ZNF540: variants seen among roughly 807,000 people sequenced by gnomAD.
ZNF540 encodes the protein CTD-3064H18.6.
ZNF540 carries 3 observed loss-of-function variants against 11.8 expected under a neutral mutation model. The observed-to-expected ratio is 0.25, with a 90% CI of 0.12 to 0.65. The LOEUF is 0.65. ZNF540 is among the 30% of genes least tolerant of loss of function. The pLI is 0.83. For missense variants in ZNF540, 709 were observed against 793.1 expected, an observed-to-expected ratio of 0.89 and a Z score of 1.27; for synonymous variants, 247 against 259.0, an observed-to-expected ratio of 0.95 and a Z score of 0.45.
chr19:37,590,428 GAAGA>G (rs1377713783), upstream of ZNF540, among the ~76,000 whole-genome samples: 22 of 135,868 alleles, frequency 1.6e-4, no homozygotes, highest in South Asian at 2.3e-4. Context: ...AAAAAAAGAA[GAAGA>G]AAAAAAAAGC....
intron 1 of ZNF540, chr19:37,563,596 T>C (rs2042746414): frequency 6.6e-6 from 1 of 152,020 alleles, no homozygotes; most frequent in African/African-American, 2.4e-5. Flanking sequence ...ATATATGGAA[T>C]ACATATATGC....
At chr19:37,580,307 T>G (rs2147188759) in intron 1 of ZNF540, among the ~76,000 whole-genome samples, 1 of 152,356 alleles carries the variant, frequency 6.6e-6, no homozygotes, top group East Asian at 1.9e-4. Context: ...TTCTAACATG[T>G]TCTATCAATA....
chr19:37,589,026 C>T (rs1033120387), intron 1 of ZNF540, among the ~76,000 whole-genome samples: 7 of 151,730 alleles, frequency 4.6e-5, no homozygotes, highest in African/African-American at 1.7e-4. Context: ...GTGGTAAAAC[C>T]CCATCTCTAC....
At chr19:37,584,011 C>T (rs1249134584) in intron 1 of ZNF540, 8 of 1,613,864 alleles carry the variant, frequency 5.0e-6, no homozygotes, top group Non-Finnish European at 6.8e-6. Flanking sequence ...ACATCACATC[C>T]CTGTACAAGT....
intron 1 of ZNF540, among the ~76,000 whole-genome samples, chr19:37,560,109 T>G (rs2042700950): frequency 6.6e-6 from 1 of 151,866 alleles, no homozygotes; most frequent in Admixed American, 6.6e-5. Context: ...AAACCTCATC[T>G]CTACCAAAAA....
chr19:37,585,149 G>A (rs568261622), intron 1 of ZNF540: 2 of 152,138 alleles, frequency 1.3e-5, no homozygotes, highest in African/African-American at 4.8e-5. Context: ...GGTACATTCC[G>A]GGAAATCCCA....
chr19:37,600,814 C>T (rs1423880431), intron 3 of ZNF540, among the ~76,000 whole-genome samples, 196 bp from the exon 4 acceptor site: 4 of 152,004 alleles, frequency 2.6e-5, no homozygotes, highest in Non-Finnish European at 1.5e-5. Context: ...AATTTTAATT[C>T]CCCTGCCCAT....
chr19:37,579,543 A>G (rs189308138), intron 1 of ZNF540, among the ~76,000 whole-genome samples: 185 of 99,520 alleles, frequency 1.9e-3, no homozygotes, highest in African/African-American at 6.6e-3. Flanking sequence ...AGCCATATGC[A>G]GAAGAATGAA....
At chr19:37,559,676 T>C (rs2042697074) in intron 1 of ZNF540, among the ~76,000 whole-genome samples, 1 of 152,134 alleles carries the variant, frequency 6.6e-6, no homozygotes, top group South Asian at 2.1e-4. Flanking sequence ...GGGGAAAAGG[T>C]ATATAGCATG....
In ZNF540 at chr19:37,613,146, T is replaced by C; in HGVS notation, c.1866T>C (p.Leu622=). The C allele has an allele frequency of 6.2e-7, 1 of 1,614,034 alleles. No individual in the cohort carries two copies. Among genetic ancestry groups the C allele is most frequent in the Non-Finnish European group, 8.5e-7 (1 of 1,179,922 alleles). ...AGGCCTTTAGACTTAATTCACACCTTACTGAACATCAGAGAATTCACACTG... is the reference window on the plus strand; with the variant it reads ...AGGCCTTTAGACTTAATTCACACCTCACTGAACATCAGAGAATTCACACTG... The part of the protein sequence containing the change: ...CGKAFRLNSH[L]TEHQRIHTGE... The change falls in exon 5 of 5, where the codon CTT becomes CTC. Residue 622 remains leucine, a synonymous_variant. Transcript: ENST00000316433.
intron 1 of ZNF540, among the ~76,000 whole-genome samples, chr19:37,573,076 ATACT>A (rs1263274740): frequency 2.6e-5 from 4 of 152,148 alleles, no homozygotes; most frequent in African/African-American, 7.2e-5. Context: ...ACTTAAGTAC[ATACT>A]TATATTCCTC....
At chr19:37,552,510 A>G (rs907265555) in intron 1 of ZNF540, among the ~76,000 whole-genome samples, 1 of 152,180 alleles carries the variant, frequency 6.6e-6, no homozygotes, top group African/African-American at 2.4e-5. Context: ...TATTTCTAGC[A>G]GTTTTTAATG....
chr19:37,559,643 A>G (rs1359704521), intron 1 of ZNF540, among the ~76,000 whole-genome samples: 1 of 152,242 alleles, frequency 6.6e-6, no homozygotes, highest in African/African-American at 2.4e-5. Flanking sequence ...TATCTGTTCA[A>G]GATACATACT....
chr19:37,561,435 A>C (rs1298799552), intron 1 of ZNF540, among the ~76,000 whole-genome samples: 1 of 152,234 alleles, frequency 6.6e-6, no homozygotes, highest in African/African-American at 2.4e-5. Flanking sequence ...ATGGTTAAAA[A>C]GAAATTCTGC....
intron 4 of ZNF540, among the ~76,000 whole-genome samples, chr19:37,608,219 C>G (rs977366620): frequency 6.6e-6 from 1 of 151,952 alleles, no homozygotes; most frequent in Non-Finnish European, 1.5e-5. Context: ...GATATCTGTT[C>G]TGTTTCCTTC....
intron 1 of ZNF540, among the ~76,000 whole-genome samples, chr19:37,568,629 T>TC (rs1463402006): frequency 1.3e-5 from 2 of 152,116 alleles, no homozygotes; most frequent in Non-Finnish European, 2.9e-5. Flanking sequence ...TAAACAGAAA[T>TC]CTAGAGGAAT....
upstream of ZNF540, chr19:37,594,679 C>T (rs2147221134): frequency 6.6e-6 from 1 of 152,434 alleles, no homozygotes; most frequent in East Asian, 1.9e-4. Flanking sequence ...CATACAAGAA[C>T]TACTTTTTCG....
At chr19:37,562,123 CTA>C (rs1362010575) in intron 1 of ZNF540, among the ~76,000 whole-genome samples, 1 of 152,182 alleles carries the variant, frequency 6.6e-6, no homozygotes, top group Non-Finnish European at 1.5e-5. Context: ...TGGCTCATGC[CTA>C]TAATCCCAGC....
intron 1 of ZNF540, among the ~76,000 whole-genome samples, chr19:37,573,169 AAAC>A (rs1433918114): frequency 6.6e-6 from 1 of 152,246 alleles, no homozygotes; most frequent in Non-Finnish European, 1.5e-5. Flanking sequence ...ATTGGATGAA[AAAC>A]AACAGAAATT....
Sources: gnomAD v4.1 joint callset for allele counts (sites outside exome capture counted in the v4.1 genomes callset) on GRCh38, gnomAD v4.1.1 for gene constraint, MANE v1.5 for transcripts, NCBI Gene and HGNC (gene_info 2026-07-23, HGNC 2026-07-21) for gene names.